Variants in ETHE1 observed in about 807,000 individuals in gnomAD.
ETHE1 encodes persulfide dioxygenase ETHE1, mitochondrial.
Under a neutral mutation model 25.7 loss-of-function variants are expected in ETHE1, and 16 were observed. The ratio of observed to expected loss-of-function variants is 0.62; its 90% CI spans 0.42 to 0.95. The LOEUF (loss-of-function observed/expected upper bound fraction) is 0.95, where lower values mean the gene tolerates loss of function less well. Ranked by LOEUF, ETHE1 falls within the 40% of genes least tolerant of loss-of-function variation. ETHE1 has a pLI of 0.00. For missense variants in ETHE1, 300 were observed against 333.6 expected (o/e 0.90, Z 0.79); for synonymous variants, 139 against 135.9 (o/e 1.02, Z -0.16).
At chr19:43,512,688 T>A (rs1486060709) in intron 3 of ETHE1, among the ~76,000 whole-genome samples, 1 of 152,156 alleles carries the variant, frequency 6.6e-6, no homozygotes, top group East Asian at 1.9e-4. Flanking sequence ...GAACCTATGT[T>A]TAAAAGGGAA....
intron 3 of ETHE1, among the ~76,000 whole-genome samples, chr19:43,516,433 G>A (rs2145994585): frequency 6.6e-6 from 1 of 151,628 alleles, no homozygotes; most frequent in East Asian, 1.9e-4. Context: ...CTGAGTAGCT[G>A]GGATTACAGG....
At chr19:43,516,331 A>C (rs1380617072) in intron 3 of ETHE1, among the ~76,000 whole-genome samples, 1 of 150,794 alleles carries the variant, frequency 6.6e-6, no homozygotes, top group African/African-American at 2.4e-5. Context: ...CCAGAGTCTC[A>C]CTCTGTCACC....
chr19:43,514,044 G>A (rs113993669), intron 3 of ETHE1, among the ~76,000 whole-genome samples: 2 of 152,104 alleles, frequency 1.3e-5, no homozygotes, highest in African/African-American at 4.8e-5. Context: ...TTGGACTGTG[G>A]ACTTTTGAGT....
At chr19:43,508,417 A>G (rs1368331630) in intron 5 of ETHE1, among the ~76,000 whole-genome samples, 1 of 147,256 alleles carries the variant, frequency 6.8e-6, no homozygotes, top group Non-Finnish European at 1.5e-5. Context: ...GTACAATCAT[A>G]GCTCACTGCA....
Position 43,520,111 on chromosome 19 carries a change from G to A in ETHE1, c.375+6090C>T, listed in dbSNP as rs149153268. Among the ~76,000 whole-genome samples the A allele has an allele frequency of 2.8e-3, 420 of 151,680 alleles. 6 individuals are homozygous for A. The highest frequency in any genetic ancestry group is 9.7e-3 in the African/African-American group (402 of 41,330). On this transcript the variant is annotated intron_variant, in intron 3 of 6. Transcript: ENST00000292147. ...AACCTGTAATCTTAGCACTTTGGGA[G>A]GTCAAGGCAGGTGGATCACTTGAGG...
Position 43,518,999 on chromosome 19 carries a change from G to GTTTTTTTTTTTTTTTTTTTTTT in ETHE1, c.375+7180_375+7201dup, listed in dbSNP as rs71169253. ...CTGATGGCTGATGAAATTTGTGCTT[G>GTTTTTTTTTTTTTTTTTTTTTT]TTTTTTTTTTTTTTTTTTTTTTTTT... On this transcript the variant is annotated intron_variant, in intron 3 of 6. Transcript: ENST00000292147. Among the ~76,000 whole-genome samples the GTTTTTTTTTTTTTTTTTTTTTT allele has an allele frequency of 3.3e-5, 3 of 91,012 alleles. 1 individual carries two copies. Among genetic ancestry groups the GTTTTTTTTTTTTTTTTTTTTTT allele is most frequent in the Non-Finnish European group, 6.4e-5 (3 of 46,580 alleles). 59.7% of individuals were successfully genotyped at this position (91,012 alleles called of 152,430 possible).
chr19:43,518,797 G>T (rs906422704), intron 3 of ETHE1, among the ~76,000 whole-genome samples: 1 of 149,866 alleles, frequency 6.7e-6, no homozygotes, highest in South Asian at 2.1e-4. Context: ...TTTGTTAGAC[G>T]TGACAAAGGT....
chr19:43,526,278 A>G lies in ETHE1; in HGVS notation c.298T>C (p.Ser100Pro). 6.2e-7 allele frequency: 1 copy of G among 1,614,114 alleles called. No homozygotes were observed. Among genetic ancestry groups the G allele is most frequent in the Non-Finnish European group, 8.5e-7 (1 of 1,180,002 alleles). Residue 100 changes from serine (S) to proline (P), a missense_variant, in exon 3 of 7, where the codon TCT (serine) becomes CCT (proline). By Grantham distance (74) the Ser-to-Pro change is moderately conservative. Transcript: ENST00000292147. ...GCCCCACTAAGGCGGGAGATGACAG[A>G]CTGGCAGCCAGGGAGGAGGGAACGG... Reference protein sequence around the residue: ...LLRSLLPGCQSVISRLSGAQA... With the variant: ...LLRSLLPGCQPVISRLSGAQA...
rs1971831724 is a variant in ETHE1 at position 43,508,073 on chromosome 19, G to A, written c.596-13C>T. On this transcript the variant is annotated splice_polypyrimidine_tract_variant and intron_variant, in intron 5 of 6. Coordinates refer to ENST00000292147, the MANE Select transcript of ETHE1 (RefSeq NM_014297.5). ...GACACTGTGAACCCTAGGGGCCAAG[G>A]GAGGGGAAGGAAAGTCAAGGAGTCT... The A allele has an allele frequency of 6.2e-7, 1 of 1,613,164 alleles. No individual in the cohort carries two copies. Among genetic ancestry groups the A allele is most frequent in the East Asian group, 2.2e-5 (1 of 44,876 alleles).
chr19:43,514,437 G>A (rs1485899519), intron 3 of ETHE1, among the ~76,000 whole-genome samples: 1 of 150,444 alleles, frequency 6.6e-6, no homozygotes, highest in Non-Finnish European at 1.5e-5. Flanking sequence ...GGAACTGTGA[G>A]CCCACTAAAC....
In ETHE1 at chr19:43,525,784, T is replaced by A. The variant is rs966753482; in HGVS notation, c.375+417A>T. 2.4e-5 allele frequency: 7 copies of A among 293,694 alleles called. No individual in the cohort carries two copies. In the East Asian group the frequency reaches 6.6e-4, roughly 28 times the overall value. 18.2% of individuals were successfully genotyped at this position (293,694 alleles called of 1,614,324 possible). On this transcript the variant is annotated intron_variant, in intron 3 of 6. Coordinates refer to ENST00000292147, the MANE Select transcript of ETHE1 (RefSeq NM_014297.5). ...AGGGTCCTCACCGTCCTTTTCCTAG[T>A]CCTGGGCTCCGGGTTCTAAGCACCC...
intron 3 of ETHE1, among the ~76,000 whole-genome samples, chr19:43,518,508 A>G (rs1195776905): frequency 1.3e-5 from 2 of 151,964 alleles, no homozygotes; most frequent in East Asian, 3.9e-4. Flanking sequence ...GTACTTTGGG[A>G]GGCCGAGACG....
intron 3 of ETHE1, 73 bp from the exon 4 acceptor site, chr19:43,511,639 C>A (rs1971920628): frequency 6.4e-7 from 1 of 1,568,546 alleles, no homozygotes; most frequent in Non-Finnish European, 8.7e-7. Context: ...CAAAGCCCCA[C>A]CCTACCCCAG....
intron 3 of ETHE1, among the ~76,000 whole-genome samples, chr19:43,521,687 A>G (rs1396628247): frequency 2.6e-5 from 4 of 151,906 alleles, no homozygotes; most frequent in African/African-American, 9.7e-5. Context: ...AAAAAAAAGA[A>G]AGAAAGAAAA....
At chr19:43,516,622 TC>T (rs927101795) in intron 3 of ETHE1, among the ~76,000 whole-genome samples, 5 of 99,834 alleles carry the variant, frequency 5.0e-5, no homozygotes, top group Admixed American at 1.1e-4. Flanking sequence ...TTTCTTTTTT[TC>T]TTTTTTTTTT....
intron 3 of ETHE1, among the ~76,000 whole-genome samples, chr19:43,516,746 C>T (rs1467845913): frequency 6.6e-6 from 1 of 151,346 alleles, no homozygotes; most frequent in Non-Finnish European, 1.5e-5. Context: ...GTGTCTCAGC[C>T]TTCTGAGTAG....
At chr19:43,509,751 G>T (rs1449986377) in intron 4 of ETHE1, among the ~76,000 whole-genome samples, 2 of 151,286 alleles carry the variant, frequency 1.3e-5, no homozygotes, top group Non-Finnish European at 2.9e-5. Context: ...AGCCAAGATT[G>T]CACCACTGCA....
At position 43,508,050 on chromosome 19, in the gene ETHE1, C is replaced by T. The variant is rs1971830813; in HGVS notation, c.606G>A (p.Val202=). The T allele has an allele frequency of 6.2e-7, 1 of 1,613,826 alleles. No individual in the cohort carries two copies. The highest frequency in any genetic ancestry group is 8.5e-7 in the Non-Finnish European group (1 of 1,179,986). ...YPAHDYHGFT[V]STVEEERTLN... ...GAGTCCTCTCCTCCTCCACGGTGGA[C>T]ACTGTGAACCCTAGGGGCCAAGGGA... The change falls in exon 6 of 7, where the codon GTG becomes GTA. Residue 202 remains valine, a synonymous_variant. Transcript: ENST00000292147.
In ETHE1 at chr19:43,519,639, GC is replaced by G. The variant is rs549581665; in HGVS notation, c.375+6561del. 3.5e-4 allele frequency among the ~76,000 whole-genome samples: 53 copies of G among 152,240 alleles called. 1 individual carries two copies. The highest frequency in any genetic ancestry group is 3.3e-3 in the Admixed American group (51 of 15,278). Reference sequence around the variant, plus strand: ...AGGAATCCTGTAAAGCATTCAGCTTGCTGGCCTTGGAGTTCCCACGGCCTAC... The same window carrying G: ...AGGAATCCTGTAAAGCATTCAGCTTGTGGCCTTGGAGTTCCCACGGCCTAC... On this transcript the variant is annotated intron_variant, in intron 3 of 6. Transcript: ENST00000292147.
Sources: allele counts gnomAD v4.1 joint callset (sites outside exome capture counted in the v4.1 genomes callset), GRCh38; gene constraint gnomAD v4.1.1; transcripts MANE v1.5; gene names NCBI Gene and HGNC (gene_info 2026-07-23, HGNC 2026-07-21).